The following ALMS1 variants were observed in gnomAD, a reference collection of about 807,000 sequenced individuals.
ALMS1 encodes centrosome-associated protein ALMS1.
Under a neutral mutation model 352.2 loss-of-function variants are expected in ALMS1, and 271 were observed. The observed-to-expected ratio is 0.77, with a 90% CI of 0.70 to 0.85. The LOEUF (loss-of-function observed/expected upper bound fraction) is 0.85. ALMS1 is among the 40% of genes least tolerant of loss of function. ALMS1 has a pLI of 0.00. For missense variants in ALMS1, 5,445 were observed against 4,870.7 expected (o/e 1.12, Z -3.51); for synonymous variants, 1,865 against 1,761.2 (o/e 1.06, Z -1.48).
In ALMS1 at chr2:73,490,767, A is replaced by T; in HGVS notation, c.8808A>T (p.Pro2936=). 2 of 1,614,120 alleles carry T rather than the reference A, an allele frequency of 1.2e-6. No individual in the cohort carries two copies. Among genetic ancestry groups the T allele is most frequent in the East Asian group, 4.5e-5 (2 of 44,868 alleles). ...QRELFEQCKA[P]YVDHQMRENH... ...AACTCTTTGAACAGTGCAAAGCCCC[A>T]TATGTAGATCATCAAATGAGAGAAA... The change falls in exon 10 of 23, where the codon CCA becomes CCT. Residue 2936 remains proline, a synonymous_variant. Transcript: ENST00000613296.
In ALMS1 at chr2:73,608,621, G is replaced by A. The variant is rs372849900; in HGVS notation, c.12462+47G>A. ...AGTGGGATGGATCAGGTTTATTGGCGGAAAGAGAAATGGAGAAAACACGTT... is the reference window on the plus strand; with the variant it reads ...AGTGGGATGGATCAGGTTTATTGGCAGAAAGAGAAATGGAGAAAACACGTT... On this transcript the variant is annotated intron_variant, in intron 22 of 22. Transcript: ENST00000613296. 4.9e-5 allele frequency: 72 copies of A among 1,466,154 alleles called. No homozygotes were observed. The Admixed American group carries it at 6.6e-4, about 13-fold the overall frequency. 90.8% of individuals were successfully genotyped at this position (1,466,154 alleles called of 1,614,324 possible).
chr2:73,460,395 G>C (rs1221167440), intron 9 of ALMS1, among the ~76,000 whole-genome samples: 2 of 152,150 alleles, frequency 1.3e-5, no homozygotes, highest in Admixed American at 1.3e-4. Context: ...TTTTAAGAAT[G>C]TGGTAATATA....
rs768728809 is a variant in ALMS1 at position 73,491,391 on chromosome 2, C to T, written c.9432C>T (p.Thr3144=). 6.2e-7 allele frequency: 1 copy of T among 1,614,140 alleles called. No individual in the cohort carries two copies. Among genetic ancestry groups the T allele is most frequent in the South Asian group, 1.1e-5 (1 of 91,066 alleles). ...DSNTITQDLK[T]IPSQNSQIVT... is the part of the protein sequence containing the mutation. Reference sequence around the variant, plus strand: ...ACACTATTACTCAGGACTTGAAAACCATACCTTCTCAGAATAGCCAGATAG... The same window carrying T: ...ACACTATTACTCAGGACTTGAAAACTATACCTTCTCAGAATAGCCAGATAG... Residue 3144 remains threonine, a synonymous_variant, in exon 10 of 23, where the codon ACC becomes ACT. Transcript: ENST00000613296.
intron 21 of ALMS1, among the ~76,000 whole-genome samples, chr2:73,605,049 C>G (rs958429643): frequency 6.6e-6 from 1 of 152,196 alleles, no homozygotes; most frequent in South Asian, 2.1e-4. Context: ...GTGTCGTGAG[C>G]TGAACCAGCT....
At chr2:73,409,819 A>G (rs1483816766) in intron 2 of ALMS1, among the ~76,000 whole-genome samples, 1 of 152,186 alleles carries the variant, frequency 6.6e-6, no homozygotes, top group South Asian at 2.1e-4. Flanking sequence ...GAGAAGTCCC[A>G]AGATCTGCAA....
chr2:73,546,971 A>G (rs1008963089), intron 12 of ALMS1, among the ~76,000 whole-genome samples: 2 of 152,218 alleles, frequency 1.3e-5, no homozygotes, highest in African/African-American at 4.8e-5. Flanking sequence ...CAATACAGAC[A>G]GTCCCCAATT....
intron 9 of ALMS1, among the ~76,000 whole-genome samples, chr2:73,485,333 C>T (rs868150726): frequency 4.6e-5 from 7 of 151,914 alleles, no homozygotes; most frequent in South Asian, 2.1e-4. Context: ...AATACCCTGC[C>T]GTGTGAGGTG....
In ALMS1 at chr2:73,424,723, A is replaced by C; in HGVS notation, c.1058A>C (p.Asp353Ala). The C allele has an allele frequency of 6.2e-7, 1 of 1,614,166 alleles. No homozygotes were observed. The highest frequency in any genetic ancestry group is 8.5e-7 in the Non-Finnish European group (1 of 1,180,014). Residue 353 changes from aspartate to alanine, a missense_variant, in exon 5 of 23, where the codon GAT becomes GCT. Physicochemically the swap from Asp to Ala is moderately radical, Grantham distance 126. Coordinates refer to ENST00000613296, the MANE Select transcript of ALMS1 (RefSeq NM_001378454.1). ...CSYMSWKTRK[D>A]TQWPENNLAD... ...TATATGTCATGGAAGACACGAAAAG[A>C]TACACAGTGGCCTGAAAACAATTTA... is the stretch of plus-strand genomic sequence containing the variant.
At chr2:73,573,701 A>T in intron 16 of ALMS1, 1 of 602,724 alleles carries the variant, frequency 1.7e-6, no homozygotes, top group Admixed American at 2.9e-5. Context: ...GGGAGCTTTG[A>T]GGTTAGAATG....
chr2:73,463,167 C>T (rs1558655644), intron 9 of ALMS1, among the ~76,000 whole-genome samples: 1 of 152,202 alleles, frequency 6.6e-6, no homozygotes, highest in Non-Finnish European at 1.5e-5. Context: ...TTTCTCAGCA[C>T]CACACCGCAC....
In ALMS1 at chr2:73,599,400, G is replaced by T; in HGVS notation, c.11548-1G>T. On this transcript the variant is annotated splice_acceptor_variant, in intron 16 of 22. Transcript: ENST00000613296. LOFTEE classifies it high-confidence loss of function. Reference sequence around the variant, plus strand: ...TAACAAGATCTCTTTTATTTTTCTAGGTAGCAAACCATGTGATTTCTTCTG... The same window carrying T: ...TAACAAGATCTCTTTTATTTTTCTATGTAGCAAACCATGTGATTTCTTCTG... The T allele has an allele frequency of 6.2e-7, 1 of 1,612,616 alleles. No homozygotes were observed. The highest frequency in any genetic ancestry group is 1.1e-5 in the South Asian group (1 of 91,054).
At chr2:73,439,595 C>T (rs766312135) in intron 7 of ALMS1, among the ~76,000 whole-genome samples, 7 of 152,162 alleles carry the variant, frequency 4.6e-5, no homozygotes, top group Non-Finnish European at 7.3e-5. Flanking sequence ...GGCTGGAGTA[C>T]GGTGGTGTGA....
chr2:73,583,699 A>G (rs774038331), intron 16 of ALMS1, among the ~76,000 whole-genome samples: 11 of 152,198 alleles, frequency 7.2e-5, no homozygotes, highest in African/African-American at 2.4e-4. Flanking sequence ...ATTCTTTTGC[A>G]TGTGGATATC....
Position 73,558,953 on chromosome 2 carries a change from G to A in ALMS1, c.10214-19G>A, listed in dbSNP as rs763103896. 3.7e-6 allele frequency: 6 copies of A among 1,613,534 alleles called. No homozygotes were observed. The East Asian group carries it at 1.3e-4, about 36-fold the overall frequency. On this transcript the variant is annotated intron_variant, in intron 14 of 22. Transcript: ENST00000613296. ...TGTCAAGTTCCTGTCTGTATAGTGT[G>A]TTAATTTCCCTTTCGTAGATTCCAG... is the stretch of plus-strand genomic sequence containing the variant.
intron 7 of ALMS1, among the ~76,000 whole-genome samples, chr2:73,443,488 T>C (rs1227724277): frequency 6.6e-6 from 1 of 152,180 alleles, no homozygotes; most frequent in Non-Finnish European, 1.5e-5. Context: ...CATGACTCTT[T>C]AAGAAAGAGC....
At chr2:73,415,145 T>C (rs76256026) in intron 2 of ALMS1, among the ~76,000 whole-genome samples, 2,479 of 152,286 alleles carry the variant, frequency 0.016, 68 homozygotes, top group African/African-American at 0.057. Flanking sequence ...TTATATGTTG[T>C]CCCTCCCCAC....
In ALMS1 at chr2:73,572,613, A is replaced by G. The variant is rs781595988; in HGVS notation, c.10736A>G (p.Asp3579Gly). The G allele has an allele frequency of 1.2e-6, 2 of 1,614,034 alleles. No individual in the cohort carries two copies. Among genetic ancestry groups the G allele is most frequent in the Non-Finnish European group, 1.7e-6 (2 of 1,180,016 alleles). ...CCAAAACATAATGGACAAATTAGTG[A>G]TCCACAAAGGGATCAGAAGGTCACC... ...DYPKHNGQIS[D>G]PQRDQKVTPE... The change falls in exon 16 of 23, where the codon GAT (aspartate) becomes GGT (glycine). Residue 3579 changes from aspartate (D) to glycine (G), a missense_variant. Asp to Gly is a moderately conservative substitution (Grantham distance 94). Coordinates refer to ENST00000613296, the MANE Select transcript of ALMS1 (RefSeq NM_001378454.1).
At chr2:73,563,109 A>G (rs1674699006) in intron 15 of ALMS1, among the ~76,000 whole-genome samples, 1 of 151,686 alleles carries the variant, frequency 6.6e-6, no homozygotes, top group African/African-American at 2.4e-5. Context: ...AAAAAAAAAA[A>G]CTTCTTGGAT....
intron 9 of ALMS1, among the ~76,000 whole-genome samples, chr2:73,486,997 G>A (rs563330238): frequency 3.9e-5 from 6 of 152,170 alleles, no homozygotes; most frequent in Non-Finnish European, 5.9e-5. Context: ...CGTGGCTTCA[G>A]TGATAGTGCC....
Sources: allele counts gnomAD v4.1 joint callset (sites outside exome capture counted in the v4.1 genomes callset), GRCh38; gene constraint gnomAD v4.1.1; transcripts MANE v1.5; gene names NCBI Gene and HGNC (gene_info 2026-07-23, HGNC 2026-07-21).